Variants in NBEAL1 observed in about 807,000 individuals in gnomAD.
The protein encoded by NBEAL1 is neurobeachin like 1.
Under a neutral mutation model 351.3 loss-of-function variants are expected in NBEAL1, and 273 were observed. The ratio of observed to expected loss-of-function variants is 0.78; its 90% CI spans 0.70 to 0.86. NBEAL1 has a LOEUF of 0.86. Ranked by LOEUF, NBEAL1 falls within the 40% of genes least tolerant of loss-of-function variation. The pLI is 0.00. For missense variants in NBEAL1, 2,961 were observed against 3,201.3 expected (o/e 0.92, Z 1.81); for synonymous variants, 1,050 against 1,086.4 (o/e 0.97, Z 0.66).
At chr2:203,156,509 A>T (rs891118145) in intron 35 of NBEAL1, among the ~76,000 whole-genome samples, 95 of 152,280 alleles carry the variant, frequency 6.2e-4, no homozygotes, top group African/African-American at 2.1e-3. Context: ...TTTTTATTGC[A>T]TTGTCATGTA....
intron 43 of NBEAL1, chr2:203,181,695 G>A (rs1487436839): frequency 6.6e-6 from 1 of 152,114 alleles, no homozygotes; most frequent in Non-Finnish European, 1.5e-5. Flanking sequence ...TTGTCATACT[G>A]TGGAGAATAT....
At chr2:203,048,087 A>T (rs532680488) in intron 3 of NBEAL1, among the ~76,000 whole-genome samples, 14 of 152,078 alleles carry the variant, frequency 9.2e-5, no homozygotes, top group Non-Finnish European at 1.2e-4. Flanking sequence ...CTAAGCCCAC[A>T]TCTTTCAGGC....
chr2:203,034,264 C>T (rs1051774158), intron 2 of NBEAL1, among the ~76,000 whole-genome samples: 6 of 150,518 alleles, frequency 4.0e-5, no homozygotes, highest in Non-Finnish European at 7.4e-5. Flanking sequence ...TTCAAGTGAT[C>T]CTCCTGCCTC....
chr2:203,047,741 A>AT (rs199901981), intron 3 of NBEAL1, among the ~76,000 whole-genome samples: 64 of 129,424 alleles, frequency 4.9e-4, no homozygotes, highest in South Asian at 2.0e-3. Context: ...ATTTCTTTCT[A>AT]TTTTTTTTTT....
At chr2:203,091,533 G>T (rs1273249956) in intron 10 of NBEAL1, among the ~76,000 whole-genome samples, 1 of 151,904 alleles carries the variant, frequency 6.6e-6, no homozygotes, top group African/African-American at 2.4e-5. Context: ...AATATTTTTT[G>T]AGGAACTTCT....
rs1396036982 is a variant in NBEAL1, at chr2:203,107,416, C to T, written c.1270-4C>T. On this transcript the variant is annotated splice_polypyrimidine_tract_variant and splice_region_variant and intron_variant, in intron 12 of 55. Transcript: ENST00000683969. Reference sequence around the variant, plus strand: ...CTTTGATATATTGTCTTCCCATCCCCTAGGAAGTATTTAAAGAAAGAATTG... The same window carrying T: ...CTTTGATATATTGTCTTCCCATCCCTTAGGAAGTATTTAAAGAAAGAATTG... 2.0e-6 allele frequency: 3 copies of T among 1,485,496 alleles called. No individual in the cohort carries two copies. Among genetic ancestry groups the T allele is most frequent in the Admixed American group, 2.0e-5 (1 of 49,802 alleles). 92.0% of individuals were successfully genotyped at this position (1,485,496 alleles called of 1,614,324 possible).
At chr2:203,213,496 G>A in intron 54 of NBEAL1, 22 bp from the exon 55 acceptor site, 2 of 1,594,044 alleles carry the variant, frequency 1.3e-6, no homozygotes, top group Non-Finnish European at 1.7e-6. Flanking sequence ...AATTATGTCT[G>A]TATTTTTTAT....
chr2:203,083,964 T>C (rs1323916635), intron 9 of NBEAL1, among the ~76,000 whole-genome samples: 4 of 146,106 alleles, frequency 2.7e-5, no homozygotes, highest in Non-Finnish European at 1.5e-5. Context: ...TGTTTCTTTT[T>C]TTCCTCAGAG....
chr2:203,047,634 T>A (rs2061250480), intron 3 of NBEAL1, among the ~76,000 whole-genome samples: 1 of 152,188 alleles, frequency 6.6e-6, no homozygotes. Flanking sequence ...GCACAGGAAT[T>A]GTCTACCCAT....
rs369932750 is a variant in NBEAL1, at chr2:203,183,303, T to G, written c.6620T>G (p.Ile2207Ser). The change falls in exon 44 of 56, where the codon ATT (isoleucine) becomes AGT (serine). Residue 2207 changes from isoleucine (I) to serine (S), a missense_variant. Ile to Ser is a moderately radical substitution (Grantham distance 142, BLOSUM62 -2). Transcript: ENST00000683969. ...QNQFNLGRLQ[I>S]SKELVNDVIL... is the part of the protein sequence containing the mutation. ...GAATTTAACTTGGGTCGTCTACAGA[T>G]TTCCAAAGAATTAGTAAATGATGTC... is the stretch of plus-strand genomic sequence containing the variant. 1.8e-5 allele frequency: 28 copies of G among 1,590,806 alleles called. No homozygotes were observed. The highest frequency in any genetic ancestry group is 2.3e-5 in the Non-Finnish European group (27 of 1,169,148).
At chr2:203,184,736 A>G (rs1281171674) in intron 44 of NBEAL1, among the ~76,000 whole-genome samples, 17 of 151,856 alleles carry the variant, frequency 1.1e-4, no homozygotes, top group Admixed American at 1.1e-3. Context: ...CCTATGCATG[A>G]ATAAGGAATT....
chr2:203,019,699 A>C (rs1317288865), intron 2 of NBEAL1, among the ~76,000 whole-genome samples: 1 of 152,216 alleles, frequency 6.6e-6, no homozygotes, highest in Non-Finnish European at 1.5e-5. Context: ...CGTTTCTGTC[A>C]GGTTTTAAAG....
At chr2:203,104,947 C>T (rs2062401363) in intron 12 of NBEAL1, among the ~76,000 whole-genome samples, 1 of 151,834 alleles carries the variant, frequency 6.6e-6, no homozygotes, top group African/African-American at 2.4e-5. Context: ...GCAACCCCTG[C>T]CTCCTGGGTT....
In NBEAL1 at chr2:203,108,023, C is replaced by T. The variant is rs1340778887; in HGVS notation, c.1784C>T (p.Ala595Val). 1.9e-6 allele frequency: 3 copies of T among 1,554,024 alleles called. No homozygotes were observed. Among genetic ancestry groups the T allele is most frequent in the South Asian group, 1.2e-5 (1 of 84,240 alleles). The change falls in exon 14 of 56, where the codon GCC becomes GTC. Residue 595 changes from alanine to valine, a missense_variant. Coordinates refer to ENST00000683969, the MANE Select transcript of NBEAL1 (RefSeq NM_001378026.1). ...TMARKLSLESALQYFNLSHSM... is the reference protein window; with the variant it reads ...TMARKLSLESVLQYFNLSHSM... ...GCCCGAAAACTAAGTCTAGAGAGTG[C>T]CCTCCAGTATTTCAATTTGTCACAT...
At chr2:203,111,368 T>G (rs1055066451) in intron 15 of NBEAL1, among the ~76,000 whole-genome samples, 18 of 151,008 alleles carry the variant, frequency 1.2e-4, no homozygotes, top group East Asian at 9.8e-4. Context: ...TTGTTTTGTG[T>G]TTTTTTTTGT....
At chr2:203,207,722 G>A (rs972245023) in intron 51 of NBEAL1, among the ~76,000 whole-genome samples, 6 of 152,150 alleles carry the variant, frequency 3.9e-5, no homozygotes, top group Non-Finnish European at 7.4e-5. Context: ...CAGCATGCTC[G>A]TTAAGAGTCA....
intron 10 of NBEAL1, among the ~76,000 whole-genome samples, chr2:203,086,496 C>A (rs1261295716): frequency 6.6e-6 from 1 of 152,148 alleles, no homozygotes; most frequent in African/African-American, 2.4e-5. Flanking sequence ...TTCAAATTTG[C>A]CACATCTAAA....
intron 42 of NBEAL1, among the ~76,000 whole-genome samples, chr2:203,177,848 G>C (rs534040057): frequency 6.6e-6 from 1 of 151,972 alleles, no homozygotes; most frequent in African/African-American, 2.4e-5. Context: ...GTAAAACCCT[G>C]TCTCTACTAA....
At chr2:203,016,494 T>A in intron 2 of NBEAL1, 59 bp downstream of exon 2, 1 of 1,111,216 alleles carries the variant, frequency 9.0e-7, no homozygotes, top group Non-Finnish European at 1.3e-6. Context: ...AATTTGTGAC[T>A]GGCAGTAGTA....
Sources: allele counts gnomAD v4.1 joint callset (sites outside exome capture counted in the v4.1 genomes callset), GRCh38; gene constraint gnomAD v4.1.1; transcripts MANE v1.5; gene names NCBI Gene and HGNC (gene_info 2026-07-23, HGNC 2026-07-21).